CRAMP1: variants seen among roughly 807,000 people sequenced by gnomAD.
The protein encoded by CRAMP1 is cramped chromatin regulator 1.
A neutral mutation model predicts 115.4 loss-of-function variants in CRAMP1; 50 were observed. The observed-to-expected ratio is 0.43, with a 90% CI of 0.35 to 0.55. The LOEUF (loss-of-function observed/expected upper bound fraction) is 0.55. Among genes scored for constraint, CRAMP1 ranks in the 20% least tolerant of loss-of-function variants. CRAMP1 has a pLI of 0.01. For missense variants in CRAMP1, 1,679 were observed against 1,721.7 expected (o/e 0.98, Z 0.44); for synonymous variants, 866 against 745.4 (o/e 1.16, Z -2.64).
Position 1,670,828 on chromosome 16 carries a change from C to G in CRAMP1, c.3645+19C>G, listed in dbSNP as rs1362299062. The stretch of plus-strand genomic sequence containing the variant: ...TGCAGAGGTGAGTGCATTGACCTCA[C>G]AGCTGCACCTGACCACCAACCCTCG... On this transcript the variant is annotated intron_variant, in intron 20 of 20. Transcript: ENST00000397412. 2 of 1,611,560 alleles carry G rather than the reference C, an allele frequency of 1.2e-6. No homozygotes were observed. The highest frequency in any genetic ancestry group is 1.7e-6 in the Non-Finnish European group (2 of 1,178,166).
At chr16:1,657,084 G>C in intron 10 of CRAMP1, 92 bp downstream of exon 10, 1 of 1,191,894 alleles carries the variant, frequency 8.4e-7, no homozygotes, top group Non-Finnish European at 1.1e-6. Flanking sequence ...GGGCCAGCAC[G>C]GTTGGGGTCC....
At position 1,656,205 on chromosome 16, in the gene CRAMP1, T is replaced by C. The variant is rs2142198610; in HGVS notation, c.1448T>C (p.Leu483Ser). The change falls in exon 10 of 21, where the codon TTG (leucine) becomes TCG (serine). Residue 483 changes from leucine to serine, a missense_variant. This residue lies in a region of CRAMP1 where 405 missense variants were observed against 302.6 expected (regional missense o/e 1.34). Coordinates refer to ENST00000397412, the MANE Select transcript of CRAMP1 (RefSeq NM_020825.4). The surrounding 1 kb of genome is among the most constrained non-coding windows in gnomAD (Gnocchi z 5.6). ...CGGCCCCCTCCTGCGGCTGACGCCT[T>C]GCAGAGCTCCGGAGAGAGTTCCCCC... ...VGRPPPAADA[L>S]QSSGESSPES... 6.2e-7 allele frequency: 1 copy of C among 1,604,024 alleles called. No individual in the cohort carries two copies. The highest frequency in any genetic ancestry group is 8.5e-7 in the Non-Finnish European group (1 of 1,176,198).
intron 9 of CRAMP1, among the ~76,000 whole-genome samples, chr16:1,655,643 G>A (rs1280740391): frequency 1.3e-5 from 2 of 152,216 alleles, no homozygotes; most frequent in African/African-American, 4.8e-5. Context: ...CTGGCTCCCG[G>A]CCCTGCCTGC....
At position 1,668,181 on chromosome 16, in the gene CRAMP1, TC is replaced by T; in HGVS notation, c.3324del (p.Gly1109ValfsTer14). On this transcript the variant is annotated frameshift_variant, in exon 18 of 21. Transcript: ENST00000397412. LOFTEE classifies it high-confidence loss of function. ...CTCCATCATTGAGATCGCCATCAGCTCCGGTCAGTACGGTAAGGGCAGGGCG... is the reference window on the plus strand; with the variant it reads ...CTCCATCATTGAGATCGCCATCAGCTCGGTCAGTACGGTAAGGGCAGGGCG... ...SDSIIEIAISSGQYGEGVPLS... is the reference protein window; with the variant it reads ...SDSIIEIAISXGQYGEGVPLS... The T allele has an allele frequency of 6.2e-7, 1 of 1,613,228 alleles. No individual in the cohort carries two copies. The highest frequency in any genetic ancestry group is 8.5e-7 in the Non-Finnish European group (1 of 1,179,624).
intron 2 of CRAMP1, among the ~76,000 whole-genome samples, chr16:1,624,912 A>C (rs943547696): frequency 2.4e-4 from 36 of 151,998 alleles, no homozygotes; most frequent in African/African-American, 7.3e-4. Flanking sequence ...TTTTTAGTGG[A>C]GATGGGATTT....
rs370361145 is a variant in CRAMP1 at position 1,655,888 on chromosome 16, C to G, written c.1131C>G (p.Leu377=). The change falls in exon 10 of 21, where the codon CTC becomes CTG. Residue 377 remains leucine (L), a synonymous_variant. Coordinates refer to ENST00000397412, the MANE Select transcript of CRAMP1 (RefSeq NM_020825.4). ...TGACGGGCACTCAGCGGAAGACACT[C>G]GAGGAGCGGCAGCTGCAGGACTCAT... is the stretch of plus-strand genomic sequence containing the variant. ...ALHEVRVRKT[L]EERQLQDSCS... is the part of the protein sequence containing the mutation. The G allele has an allele frequency of 1.1e-5, 18 of 1,608,236 alleles. No individual in the cohort carries two copies. The Admixed American group carries it at 3.0e-4, about 27-fold the overall frequency.
intron 20 of CRAMP1, among the ~76,000 whole-genome samples, chr16:1,673,554 C>G (rs1041501926): frequency 1.2e-4 from 18 of 152,238 alleles, no homozygotes; most frequent in Non-Finnish European, 7.3e-5. Context: ...CAGGCTGCCC[C>G]CAGTGCCTGT....
chr16:1,635,791 G>T (rs182438781), intron 4 of CRAMP1, among the ~76,000 whole-genome samples: 2 of 152,196 alleles, frequency 1.3e-5, no homozygotes, highest in Non-Finnish European at 2.9e-5. Flanking sequence ...TATGTCCATT[G>T]CCCAGGAGGA....
chr16:1,641,708 T>C (rs1320963089), intron 6 of CRAMP1, among the ~76,000 whole-genome samples: 4 of 152,180 alleles, frequency 2.6e-5, no homozygotes, highest in Non-Finnish European at 5.9e-5. Context: ...CCCCTGATGG[T>C]CCAGTTGACA....
chr16:1,623,569 G>C (rs2036483832), intron 2 of CRAMP1, among the ~76,000 whole-genome samples: 1 of 152,258 alleles, frequency 6.6e-6, no homozygotes, highest in Non-Finnish European at 1.5e-5. Context: ...TAACGGCAGG[G>C]CTGGTTAGCA....
At chr16:1,623,210 G>C (rs1360378481) in intron 2 of CRAMP1, among the ~76,000 whole-genome samples, 1 of 152,232 alleles carries the variant, frequency 6.6e-6, no homozygotes, top group Non-Finnish European at 1.5e-5. Context: ...ACATCAGAAG[G>C]AAAGGGTGAA....
At chr16:1,613,403 C>T (rs773992080) in intron 1 of CRAMP1, among the ~76,000 whole-genome samples, 29 of 152,154 alleles carry the variant, frequency 1.9e-4, no homozygotes, top group Admixed American at 7.9e-4. Context: ...GCCCGCGTCC[C>T]TGTATTTCGT....
At chr16:1,653,288 G>A (rs1490239309) in intron 8 of CRAMP1, 132 bp downstream of exon 8, 9 of 1,115,774 alleles carry the variant, frequency 8.1e-6, no homozygotes, top group East Asian at 5.2e-5. Flanking sequence ...ACACGAGGAC[G>A]CAGCAGTGTG....
Position 1,665,230 on chromosome 16 carries a change from C to G in CRAMP1, c.2752+92C>G, listed in dbSNP as rs964391854. 3.7e-6 allele frequency: 3 copies of G among 803,512 alleles called. No homozygotes were observed. The African/African-American group carries it at 5.1e-5, about 14-fold the overall frequency. The allele number at this position is 803,512 out of a possible 1,614,324, so 49.8% of individuals were successfully genotyped here. ...GACAATGGGTGCTTATTTCCATGGC[C>G]TATCTTCAGGCATTCCTTTGTCCAT... On this transcript the variant is annotated intron_variant, in intron 14 of 20. Transcript: ENST00000397412.
chr16:1,658,806 G>A (rs1262023896), intron 10 of CRAMP1, among the ~76,000 whole-genome samples: 2 of 152,232 alleles, frequency 1.3e-5, no homozygotes, highest in Non-Finnish European at 2.9e-5. Context: ...TGAGTGAGCA[G>A]ACGGGCAGGG....
At chr16:1,649,884 C>G (rs2179488) in intron 6 of CRAMP1, among the ~76,000 whole-genome samples, 3 of 150,864 alleles carry the variant, frequency 2.0e-5, no homozygotes, top group African/African-American at 7.3e-5. Context: ...ACCTCTGCCT[C>G]CTGGGTTCGA....
chr16:1,627,793 T>G (rs1367523428), intron 3 of CRAMP1, among the ~76,000 whole-genome samples: 1 of 152,214 alleles, frequency 6.6e-6, no homozygotes, highest in Admixed American at 6.5e-5. Flanking sequence ...TGGTTTTGTG[T>G]AGATTCAAGC....
At chr16:1,652,077 C>T (rs1241638469) in intron 6 of CRAMP1, among the ~76,000 whole-genome samples, 1 of 152,124 alleles carries the variant, frequency 6.6e-6, no homozygotes, top group Non-Finnish European at 1.5e-5. Flanking sequence ...ACTGAGAGGT[C>T]ATGGGGAGGA....
Position 1,656,071 on chromosome 16 carries a change from C to T in CRAMP1, c.1314C>T (p.Asp438=), listed in dbSNP as rs776839175. 48 of 1,610,226 alleles carry T rather than the reference C, an allele frequency of 3.0e-5. No individual in the cohort carries two copies. Among genetic ancestry groups the T allele is most frequent in the South Asian group, 6.6e-5 (6 of 90,814 alleles). Residue 438 remains aspartate (D), a synonymous_variant, in exon 10 of 21, where the codon GAC becomes GAT. Coordinates refer to ENST00000397412, the MANE Select transcript of CRAMP1 (RefSeq NM_020825.4). The surrounding 1 kb of genome is among the most constrained non-coding windows in gnomAD (Gnocchi z 5.6). ...GCCGGTGCAAGCAGAGTGCCAAGGA[C>T]GCCCACGTGCTGCCCCCAGCCCAGA... ...EGGRCKQSAK[D]AHVLPPAQIL... is the part of the protein sequence containing the mutation.
Sources: gnomAD v4.1 joint callset for allele counts (sites outside exome capture counted in the v4.1 genomes callset) on GRCh38, gnomAD v4.1.1 for gene constraint, gnomAD v4.1.1 regional missense constraint, Gnocchi (gnomAD v3.1) non-coding constraint, MANE v1.5 for transcripts, NCBI Gene and HGNC (gene_info 2026-07-23, HGNC 2026-07-21) for gene names.